Variants in BABAM2 observed in about 807,000 individuals in gnomAD.
BABAM2 encodes the protein BRISC and BRCA1 A complex member 2, also known as BRISC and BRCA1-A complex member 2.
BABAM2 carries 31 observed loss-of-function variants against 54.7 expected under a neutral mutation model. The observed-to-expected ratio is 0.57, with a 90% CI of 0.43 to 0.77. The LOEUF (loss-of-function observed/expected upper bound fraction) is 0.77. BABAM2 is among the 30% of genes least tolerant of loss of function. BABAM2 has a pLI of 0.00. For synonymous variants in BABAM2, 167 were observed against 162.9 expected, an observed-to-expected ratio of 1.03 and a Z score of -0.19; for missense variants, 364 against 455.8, an observed-to-expected ratio of 0.80 and a Z score of 1.83.
chr2:27,933,934 ATCCATGGGGGATTGGT>A (rs1668301756), intron 3 of BABAM2, among the ~76,000 whole-genome samples: 1 of 151,838 alleles, frequency 6.6e-6, no homozygotes, highest in Non-Finnish European at 1.5e-5. Flanking sequence ...ATCCCTCAAT[ATCCATGGGGGATTGGT>A]TCCAAGATGT....
At chr2:28,059,971 A>G (rs548250739) in intron 6 of BABAM2, among the ~76,000 whole-genome samples, 2 of 152,370 alleles carry the variant, frequency 1.3e-5, no homozygotes, top group African/African-American at 4.8e-5. Context: ...GAAAATTGAA[A>G]AAGGGGAAAT....
At chr2:28,147,757 G>T (rs1255459306) in intron 7 of BABAM2, among the ~76,000 whole-genome samples, 5 of 152,344 alleles carry the variant, frequency 3.3e-5, no homozygotes, top group Admixed American at 3.3e-4. Flanking sequence ...ACAGGCGTGA[G>T]CCACTGCGCC....
chr2:28,052,172 T>G (rs1189156902), intron 6 of BABAM2, among the ~76,000 whole-genome samples: 1 of 152,042 alleles, frequency 6.6e-6, no homozygotes, highest in Non-Finnish European at 1.5e-5. Flanking sequence ...AAAATGAATT[T>G]TGGAAATGGG....
intron 7 of BABAM2, among the ~76,000 whole-genome samples, chr2:28,216,388 G>A (rs1470029706): frequency 1.3e-5 from 2 of 152,146 alleles, no homozygotes; most frequent in African/African-American, 4.8e-5. Context: ...GGTACTTCTT[G>A]TACTAAATGT....
At chr2:27,953,189 A>T (rs7584462) in intron 3 of BABAM2, among the ~76,000 whole-genome samples, 99,325 of 151,422 alleles carry the variant, frequency 0.66, 34,172 homozygotes, top group Middle Eastern at 0.8. Flanking sequence ...TTTATTTTTT[A>T]ATTTTCTTTG....
chr2:27,983,504 G>A (rs1558636147), intron 3 of BABAM2, among the ~76,000 whole-genome samples: 1 of 152,114 alleles, frequency 6.6e-6, no homozygotes, highest in Non-Finnish European at 1.5e-5. Flanking sequence ...AGTCCAGCTA[G>A]GGCTTTGGTA....
chr2:28,129,411 G>A (rs1669842490), intron 7 of BABAM2, 31 bp downstream of exon 7: 2 of 1,525,612 alleles, frequency 1.3e-6, no homozygotes, highest in Middle Eastern at 1.7e-4. Flanking sequence ...GTAGCCTGGT[G>A]CTACTTCTTG....
chr2:28,282,137 GAGA>G (rs1686412206), intron 10 of BABAM2, among the ~76,000 whole-genome samples: 1 of 152,154 alleles, frequency 6.6e-6, no homozygotes, highest in Non-Finnish European at 1.5e-5. Context: ...GAAACCATGG[GAGA>G]AGAACAGAAG....
intron 7 of BABAM2, among the ~76,000 whole-genome samples, chr2:28,200,985 G>A (rs1273407378): frequency 6.6e-6 from 1 of 152,094 alleles, no homozygotes; most frequent in Non-Finnish European, 1.5e-5. Flanking sequence ...TGGCCAGGCT[G>A]GTCTCAAACT....
chr2:28,225,004 G>A (rs1309856340), intron 7 of BABAM2, among the ~76,000 whole-genome samples: 2 of 152,290 alleles, frequency 1.3e-5, no homozygotes, highest in South Asian at 2.1e-4. Context: ...AGAGTGGATA[G>A]GGAGTGAACT....
At chr2:28,229,334 C>G (rs1681164321) in intron 7 of BABAM2, among the ~76,000 whole-genome samples, 2 of 152,294 alleles carry the variant, frequency 1.3e-5, no homozygotes, top group East Asian at 3.9e-4. Flanking sequence ...GTGCTCTCAT[C>G]TGTAAGATGG....
chr2:28,066,439 A>G (rs987518187), intron 6 of BABAM2, among the ~76,000 whole-genome samples: 1 of 152,142 alleles, frequency 6.6e-6, no homozygotes, highest in Non-Finnish European at 1.5e-5. Context: ...ACATGTATCG[A>G]TAGGTTATAT....
At position 27,929,921 on chromosome 2, in the gene BABAM2, T is replaced by A; in HGVS notation, c.205+13T>A. 6.2e-7 allele frequency: 1 copy of A among 1,600,054 alleles called. No homozygotes were observed. The highest frequency in any genetic ancestry group is 8.6e-7 in the Non-Finnish European group (1 of 1,167,572). ...GAGACATTAAAGTGTAAGTAAATGA[T>A]GACTATTTTACTCAAAATGTAGGTT... is the stretch of plus-strand genomic sequence containing the variant. On this transcript the variant is annotated intron_variant, in intron 3 of 11. Transcript: ENST00000379624.
intron 8 of BABAM2, among the ~76,000 whole-genome samples, chr2:28,239,939 C>T (rs965639732): frequency 6.6e-6 from 1 of 152,148 alleles, no homozygotes; most frequent in African/African-American, 2.4e-5. Context: ...GCCAAGTGAT[C>T]AGGCCCAGTA....
chr2:28,270,289 T>G (rs1685314257), intron 10 of BABAM2, among the ~76,000 whole-genome samples: 1 of 152,122 alleles, frequency 6.6e-6, no homozygotes, highest in Admixed American at 6.6e-5. Context: ...ACCTAGCTGA[T>G]TTTTTATTTT....
intron 3 of BABAM2, among the ~76,000 whole-genome samples, chr2:27,984,985 G>T (rs142985182): frequency 2.0e-5 from 3 of 151,240 alleles, no homozygotes; most frequent in Admixed American, 6.6e-5. Context: ...TAGAATAATC[G>T]TCTCCAATTC....
chr2:28,042,607 G>A (rs951101259), intron 5 of BABAM2, among the ~76,000 whole-genome samples: 14 of 152,158 alleles, frequency 9.2e-5, no homozygotes, highest in African/African-American at 3.4e-4. Context: ...TGGTGGAGTG[G>A]TGGTAGGGAA....
At position 27,899,505 on chromosome 2, in the gene BABAM2, G is replaced by A. The variant is rs376550618; in HGVS notation, c.128+4821G>A. Among the ~76,000 whole-genome samples the A allele has an allele frequency of 1.2e-4, 18 of 148,978 alleles. 1 individual carries two copies. The highest frequency in any genetic ancestry group is 4.5e-4 in the African/African-American group (18 of 40,336). ...TTTTTTTTTTTCGTGACAGAGTTTC[G>A]CTCTTGTTGCCCAGGCTGGAGGGCA... On this transcript the variant is annotated intron_variant, in intron 2 of 11. Coordinates refer to ENST00000379624, the MANE Select transcript of BABAM2 (RefSeq NM_199191.3).
In BABAM2 at chr2:28,237,284, C is replaced by T; in HGVS notation, c.763C>T (p.His255Tyr). 1 of 1,613,382 alleles carries T rather than the reference C, an allele frequency of 6.2e-7. No individual in the cohort carries two copies. Residue 255 changes from histidine (H) to tyrosine (Y), a missense_variant, in exon 8 of 12, where the codon CAC becomes TAC. Physicochemically the swap from His to Tyr is moderately conservative, Grantham distance 83 (BLOSUM62 2). Transcript: ENST00000379624. Reference sequence around the variant, plus strand: ...CATTGATTACGTTCCTCAAGTATGCCACCTGCTCACCAACAAGGTAAAAGC... The same window carrying T: ...CATTGATTACGTTCCTCAAGTATGCTACCTGCTCACCAACAAGGTAAAAGC... ...CLIDYVPQVC[H>Y]LLTNKVQYVI...
Sources: gnomAD v4.1 joint callset for allele counts (sites outside exome capture counted in the v4.1 genomes callset) on GRCh38, gnomAD v4.1.1 for gene constraint, MANE v1.5 for transcripts, NCBI Gene and HGNC (gene_info 2026-07-23, HGNC 2026-07-21) for gene names.